Variants in TMTC2 observed in about 807,000 individuals in gnomAD.
TMTC2 encodes protein O-mannosyl-transferase TMTC2.
In TMTC2, 43 loss-of-function variants were observed where a neutral mutation model predicts 82.4. The ratio of observed to expected loss-of-function variants is 0.52; its 90% CI spans 0.41 to 0.67. The LOEUF (loss-of-function observed/expected upper bound fraction) is 0.67. TMTC2 is among the 30% of genes least tolerant of loss of function. The pLI is 0.00. For synonymous variants in TMTC2, 408 were observed against 381.9 expected (o/e 1.07, Z -0.80); for missense variants, 919 against 1,012.4 (o/e 0.91, Z 1.25).
chr12:83,084,930 G>C (rs1883600562), intron 11 of TMTC2, among the ~76,000 whole-genome samples: 1 of 152,214 alleles, frequency 6.6e-6, no homozygotes, highest in Admixed American at 6.5e-5. Flanking sequence ...AATTGGCTAA[G>C]CCTGCATGCT....
chr12:82,883,166 A>G (rs866103021), intron 2 of TMTC2, among the ~76,000 whole-genome samples: 1 of 151,988 alleles, frequency 6.6e-6, no homozygotes, highest in Non-Finnish European at 1.5e-5. Context: ...GAAAAAAGAC[A>G]GTGTATGTGA....
intron 4 of TMTC2, among the ~76,000 whole-genome samples, chr12:82,936,152 A>G (rs1235865111): frequency 3.3e-5 from 5 of 152,078 alleles, no homozygotes; most frequent in Admixed American, 3.3e-4. Flanking sequence ...GAAAATATTA[A>G]TGGTCAATAT....
At chr12:82,728,228 T>C (rs1473660152) in intron 1 of TMTC2, among the ~76,000 whole-genome samples, 1 of 151,946 alleles carries the variant, frequency 6.6e-6, no homozygotes, top group South Asian at 2.1e-4. Context: ...GCTTAGGTAA[T>C]AGAGATGAGT....
chr12:82,785,623 G>C (rs1413001359), intron 1 of TMTC2, among the ~76,000 whole-genome samples: 1 of 152,004 alleles, frequency 6.6e-6, no homozygotes, highest in Admixed American at 6.6e-5. Context: ...TAGGGCAGCA[G>C]CAAAAGGAAT....
At chr12:83,045,941 C>T (rs548373373) in intron 9 of TMTC2, among the ~76,000 whole-genome samples, 1 of 152,112 alleles carries the variant, frequency 6.6e-6, no homozygotes, top group East Asian at 1.9e-4. Context: ...AACATATCAC[C>T]CCAGAAGTAT....
intron 1 of TMTC2, among the ~76,000 whole-genome samples, chr12:82,753,302 G>T (rs1158939261): frequency 6.7e-6 from 1 of 149,078 alleles, no homozygotes; most frequent in African/African-American, 2.5e-5. Context: ...TGTCATGCCA[G>T]TATGCTAGCT....
At chr12:82,837,335 T>A (rs1394696738) in intron 1 of TMTC2, among the ~76,000 whole-genome samples, 1 of 152,190 alleles carries the variant, frequency 6.6e-6, no homozygotes, top group East Asian at 1.9e-4. Context: ...TGGCTGGGCA[T>A]GGTGACGCAC....
intron 11 of TMTC2, among the ~76,000 whole-genome samples, chr12:83,085,650 G>A (rs1883627068): frequency 6.6e-6 from 1 of 152,100 alleles, no homozygotes; most frequent in Admixed American, 6.5e-5. Flanking sequence ...GATCTTTTAA[G>A]GCCTTTCCCA....
At chr12:82,930,372 T>C (rs1053801973) in intron 3 of TMTC2, 59 bp from the exon 4 acceptor site, 6 of 947,112 alleles carry the variant, frequency 6.3e-6, no homozygotes, top group African/African-American at 1.6e-5. Context: ...TGGCCTGATA[T>C]TATGTCATGT....
At chr12:82,968,955 T>C (rs1017643883) in intron 7 of TMTC2, among the ~76,000 whole-genome samples, 2 of 152,310 alleles carry the variant, frequency 1.3e-5, no homozygotes, top group Middle Eastern at 3.4e-3. Flanking sequence ...GGTGGCTGCC[T>C]TCTATTTAAT....
intron 3 of TMTC2, among the ~76,000 whole-genome samples, chr12:82,899,479 A>C (rs1873850494): frequency 6.6e-6 from 1 of 150,422 alleles, no homozygotes; most frequent in Non-Finnish European, 1.5e-5. Context: ...TGTTGGCATC[A>C]TGGCCTGGGT....
At chr12:83,008,846 C>T (rs531964506) in intron 8 of TMTC2, among the ~76,000 whole-genome samples, 1 of 152,272 alleles carries the variant, frequency 6.6e-6, no homozygotes, top group South Asian at 2.1e-4. Flanking sequence ...ATTTCTCTTC[C>T]GTTCTGATTG....
chr12:82,896,582 G>T lies in TMTC2; in HGVS notation c.1419G>T (p.Arg473Ser). ...IVFYGLKTAI[R>S]NGDWQNEEML... Reference sequence around the variant, plus strand: ...TTTATGGACTCAAGACTGCGATCAGGAATGGAGACTGGCAGAATGAGGAAA... The same window carrying T: ...TTTATGGACTCAAGACTGCGATCAGTAATGGAGACTGGCAGAATGAGGAAA... The change falls in exon 3 of 12, where the codon AGG (arginine) becomes AGT (serine). Residue 473 changes from arginine (R) to serine (S), a missense_variant. Transcript: ENST00000321196. 1 of 1,614,048 alleles carries T rather than the reference G, an allele frequency of 6.2e-7. No individual in the cohort carries two copies. Among genetic ancestry groups the T allele is most frequent in the Middle Eastern group, 1.7e-4 (1 of 6,058 alleles).
chr12:82,687,092 G>C lies in TMTC2; in HGVS notation c.-495G>C, dbSNP rs937059999. On this transcript the variant is annotated 5_prime_UTR_variant, in exon 1 of 12. Coordinates refer to ENST00000321196, the MANE Select transcript of TMTC2 (RefSeq NM_152588.3). ...GAGCAGTGCGCCCGGGAGGCGGCGA[G>C]GGGAGGCGGTTCGCCTTGTCCCTCC... is the stretch of plus-strand genomic sequence containing the variant. 1 of 163,700 alleles carries C rather than the reference G, an allele frequency of 6.1e-6. No individual in the cohort carries two copies. The highest frequency in any genetic ancestry group is 2.4e-5 in the African/African-American group (1 of 41,564). 10.1% of individuals were successfully genotyped at this position (163,700 alleles called of 1,614,324 possible).
chr12:83,107,027 T>A (rs1884428680), intron 11 of TMTC2, among the ~76,000 whole-genome samples: 1 of 152,194 alleles, frequency 6.6e-6, no homozygotes, highest in Admixed American at 6.5e-5. Flanking sequence ...GATAATGTTT[T>A]GTGTGGTTAA....
intron 4 of TMTC2, among the ~76,000 whole-genome samples, chr12:82,939,125 A>T (rs1325060221): frequency 6.6e-6 from 1 of 152,112 alleles, no homozygotes; most frequent in African/African-American, 2.4e-5. Flanking sequence ...CATTTTTCTA[A>T]TTACAAGTGC....
intron 8 of TMTC2, among the ~76,000 whole-genome samples, chr12:83,011,931 C>T (rs915818049): frequency 2.6e-5 from 4 of 152,004 alleles, no homozygotes; most frequent in African/African-American, 4.8e-5. Context: ...CATAATTGTT[C>T]AATAAATACT....
intron 7 of TMTC2, among the ~76,000 whole-genome samples, chr12:82,971,305 C>T (rs1311458315): frequency 6.6e-6 from 1 of 152,024 alleles, no homozygotes; most frequent in Non-Finnish European, 1.5e-5. Context: ...TTTTCCTTTG[C>T]ACTTAAAAAT....
intron 1 of TMTC2, among the ~76,000 whole-genome samples, chr12:82,795,327 A>G (rs960112779): frequency 3.3e-5 from 5 of 151,632 alleles, no homozygotes; most frequent in Non-Finnish European, 5.9e-5. Flanking sequence ...AAAAAAAAAA[A>G]AAGAAGTTAA....
Sources: allele counts gnomAD v4.1 joint callset (sites outside exome capture counted in the v4.1 genomes callset), GRCh38; gene constraint gnomAD v4.1.1; transcripts MANE v1.5; gene names NCBI Gene and HGNC (gene_info 2026-07-23, HGNC 2026-07-21).